The following NXPE2 variants were observed in gnomAD, a reference collection of about 807,000 sequenced individuals.
NXPE2 encodes the protein NXPE family member 2.
In NXPE2, 34 loss-of-function variants were observed where a neutral mutation model predicts 34.4. That is an observed-to-expected ratio of 0.99 (90% CI 0.75 to 1.31). The LOEUF (loss-of-function observed/expected upper bound fraction) is 1.31. Ranked by LOEUF, NXPE2 falls within the 40% of genes most tolerant of loss-of-function variation. The pLI is 0.00. For missense variants in NXPE2, 649 were observed against 672.5 expected, an observed-to-expected ratio of 0.97 and a Z score of 0.39; for synonymous variants, 235 against 231.3, an observed-to-expected ratio of 1.02 and a Z score of -0.15.
the NXPE2 span, among the ~76,000 whole-genome samples, chr11:114,468,589 A>G: frequency 6.6e-6 from 1 of 152,060 alleles, no homozygotes; most frequent in Non-Finnish European, 1.5e-5. Flanking sequence ...GTGTCTGGAG[A>G]TATTTTTGTT....
the NXPE2 span, among the ~76,000 whole-genome samples, chr11:114,500,383 G>A: frequency 1.3e-5 from 2 of 151,876 alleles, no homozygotes; most frequent in South Asian, 2.1e-4. Flanking sequence ...ATCTTTTTGC[G>A]TACTTATTGG....
the NXPE2 span, among the ~76,000 whole-genome samples, chr11:114,501,866 G>C: frequency 6.6e-6 from 1 of 152,300 alleles, no homozygotes; most frequent in African/African-American, 2.4e-5. Flanking sequence ...GGTTTGGCTG[G>C]AAAGAACATG....
chr11:114,638,850 C>T, the NXPE2 span, among the ~76,000 whole-genome samples: 4 of 151,850 alleles, frequency 2.6e-5, no homozygotes, highest in Admixed American at 6.6e-5. Context: ...AGTACCCAGC[C>T]GTGTGAGGTG....
chr11:114,645,021 G>A, the NXPE2 span, among the ~76,000 whole-genome samples: 1 of 151,542 alleles, frequency 6.6e-6, no homozygotes, highest in Non-Finnish European at 1.5e-5. Flanking sequence ...AAAAAAACAG[G>A]CCGGGCATAG....
chr11:114,800,943 CTAAA>C, the NXPE2 span, among the ~76,000 whole-genome samples: 1 of 152,164 alleles, frequency 6.6e-6, no homozygotes, highest in African/African-American at 2.4e-5. Flanking sequence ...CTATTAAGTT[CTAAA>C]CTATGACAAT....
chr11:114,662,303 G>A, the NXPE2 span, among the ~76,000 whole-genome samples: 1 of 152,078 alleles, frequency 6.6e-6, no homozygotes, highest in East Asian at 1.9e-4. Context: ...CAGCAAAACT[G>A]GACCAAACTC....
chr11:114,530,208 T>G, the NXPE2 span: 1 of 1,611,994 alleles, frequency 6.2e-7, no homozygotes, highest in Non-Finnish European at 8.5e-7. Flanking sequence ...GTCTGTAAGA[T>G]AAGATACCTC....
the NXPE2 span, among the ~76,000 whole-genome samples, chr11:114,603,840 A>T: frequency 6.6e-6 from 1 of 151,814 alleles, no homozygotes; most frequent in African/African-American, 2.4e-5. Context: ...CTGGTGGATA[A>T]TAAGTATTGC....
At chr11:114,702,602 T>G (rs1951386570) in intron 3 of NXPE2, among the ~76,000 whole-genome samples, 1 of 152,238 alleles carries the variant, frequency 6.6e-6, no homozygotes, top group South Asian at 2.1e-4. Context: ...AGTAAAATAC[T>G]CTGGAGTGAC....
chr11:114,477,227 G>T, the NXPE2 span, among the ~76,000 whole-genome samples: 1 of 152,180 alleles, frequency 6.6e-6, no homozygotes, highest in Non-Finnish European at 1.5e-5. Flanking sequence ...AACGAATGGG[G>T]AGATGCTGGT....
the NXPE2 span, among the ~76,000 whole-genome samples, chr11:114,588,955 A>C: frequency 6.6e-6 from 1 of 152,128 alleles, no homozygotes; most frequent in Non-Finnish European, 1.5e-5. Flanking sequence ...GAGGGTGGCC[A>C]CCTTAGTCTT....
chr11:114,771,297 T>C, the NXPE2 span, among the ~76,000 whole-genome samples: 1 of 150,962 alleles, frequency 6.6e-6, no homozygotes, highest in African/African-American at 2.4e-5. Context: ...CTCTGACAGA[T>C]GATCTTTGAG....
At chr11:114,530,593 G>A in the NXPE2 span, 1 of 1,614,116 alleles carries the variant, frequency 6.2e-7, no homozygotes, top group South Asian at 1.1e-5. Context: ...CTGGCCCTCA[G>A]GAAATCCCCA....
intron 2 of NXPE2, among the ~76,000 whole-genome samples, chr11:114,684,446 A>T (rs1038951284): frequency 2.0e-5 from 3 of 152,108 alleles, no homozygotes; most frequent in African/African-American, 7.2e-5. Context: ...AAAAGAAAAA[A>T]AAATAGATTT....
At chr11:114,663,625 C>CTA in the NXPE2 span, among the ~76,000 whole-genome samples, 1 of 55,668 alleles carries the variant, frequency 1.8e-5, no homozygotes, top group Non-Finnish European at 4.3e-5. Context: ...ATCTATCTAT[C>CTA]TATCTATCTA....
chr11:114,609,187 T>C, the NXPE2 span, among the ~76,000 whole-genome samples: 1 of 151,806 alleles, frequency 6.6e-6, no homozygotes, highest in Non-Finnish European at 1.5e-5. Context: ...TATTGCCTCA[T>C]GGGTAGCCAC....
the NXPE2 span, among the ~76,000 whole-genome samples, chr11:114,755,651 T>C: frequency 6.6e-6 from 1 of 151,846 alleles, no homozygotes; most frequent in African/African-American, 2.4e-5. Flanking sequence ...CATCTATTAA[T>C]CTGTCTATCC....
the NXPE2 span, among the ~76,000 whole-genome samples, chr11:114,722,826 A>G: frequency 5.9e-5 from 9 of 152,182 alleles, no homozygotes; most frequent in Non-Finnish European, 1.3e-4. Flanking sequence ...TTAACAAAGG[A>G]TTGTTCTTTG....
chr11:114,792,057 CAAAAAAAA>C, the NXPE2 span, among the ~76,000 whole-genome samples: 308 of 151,104 alleles, frequency 2.0e-3, 1 homozygote, highest in Non-Finnish European at 3.4e-3. Context: ...GACTCCGTCT[CAAAAAAAA>C]GAAAAAAAGA....
Sources: gnomAD v4.1 joint callset for allele counts (sites outside exome capture counted in the v4.1 genomes callset) on GRCh38, gnomAD v4.1.1 for gene constraint, MANE v1.5 for transcripts, NCBI Gene and HGNC (gene_info 2026-07-23, HGNC 2026-07-21) for gene names.